The following IPMK variants were observed in gnomAD, a reference collection of about 807,000 sequenced individuals.
IPMK encodes inositol polyphosphate multikinase.
Under a neutral mutation model 45.8 loss-of-function variants are expected in IPMK, and 17 were observed. That is an observed-to-expected ratio of 0.37 (90% CI 0.25 to 0.56). The LOEUF is 0.56. IPMK is among the 20% of genes least tolerant of loss of function. The pLI is 0.79. For missense variants in IPMK, 399 were observed against 498.0 expected, an observed-to-expected ratio of 0.80 and a Z score of 1.89; for synonymous variants, 180 against 184.3, an observed-to-expected ratio of 0.98 and a Z score of 0.19.
At chr10:58,206,992 T>C (rs1838079833) in intron 4 of IPMK, among the ~76,000 whole-genome samples, 1 of 151,900 alleles carries the variant, frequency 6.6e-6, no homozygotes, top group African/African-American at 2.4e-5. Flanking sequence ...TGTATATATA[T>C]ATATATCACA....
At position 58,214,502 on chromosome 10, in the gene IPMK, T is replaced by A. The variant is rs531647938; in HGVS notation, c.546+1643A>T. Among the ~76,000 whole-genome samples, 671 of 152,360 alleles carry A rather than the reference T, an allele frequency of 4.4e-3. 4 individuals are homozygous for A. Among genetic ancestry groups the A allele is most frequent in the Non-Finnish European group, 7.2e-3 (490 of 68,032 alleles). On this transcript the variant is annotated intron_variant, in intron 4 of 5. Coordinates refer to ENST00000373935, the MANE Select transcript of IPMK (RefSeq NM_152230.5). ...TTATTTCCTGTTTGTTTTAACTGTA[T>A]TCCATTACCATTTTTTCTTTTTCTA...
At chr10:58,214,232 C>A (rs564603120) in intron 4 of IPMK, among the ~76,000 whole-genome samples, 17 of 152,074 alleles carry the variant, frequency 1.1e-4, no homozygotes, top group Non-Finnish European at 2.4e-4. Context: ...GAGGAACTGT[C>A]CTTAGATAGG....
chr10:58,246,897 C>A (rs1242625679), intron 1 of IPMK, among the ~76,000 whole-genome samples: 4 of 151,024 alleles, frequency 2.6e-5, no homozygotes, highest in Non-Finnish European at 5.9e-5. Context: ...ATTTTCGCAA[C>A]CTACTCATCT....
chr10:58,256,800 G>C (rs1457576996), intron 1 of IPMK, among the ~76,000 whole-genome samples: 1 of 152,192 alleles, frequency 6.6e-6, no homozygotes, highest in African/African-American at 2.4e-5. Context: ...AAGAACCTAT[G>C]TTGAAATATT....
chr10:58,231,606 C>G (rs1838521916), intron 2 of IPMK, among the ~76,000 whole-genome samples: 1 of 152,130 alleles, frequency 6.6e-6, no homozygotes, highest in Non-Finnish European at 1.5e-5. Context: ...GAAATAAAAT[C>G]CTTTACAGAC....
At chr10:58,241,806 A>G (rs1838699676) in intron 1 of IPMK, among the ~76,000 whole-genome samples, 1 of 151,862 alleles carries the variant, frequency 6.6e-6, no homozygotes, top group African/African-American at 2.4e-5. Flanking sequence ...TTACCTCCAT[A>G]AAGGTGCAAT....
rs753050298 is a variant in IPMK, at chr10:58,211,901, C to CAAAAAAAAAA, written c.546+4234_546+4243dup. 3.6e-4 allele frequency among the ~76,000 whole-genome samples: 18 copies of CAAAAAAAAAA among 50,370 alleles called. 2 individuals are homozygous for CAAAAAAAAAA. Among genetic ancestry groups the CAAAAAAAAAA allele is most frequent in the African/African-American group, 1.4e-3 (15 of 11,036 alleles). The allele number at this position is 50,370 out of a possible 152,430, so 33.0% of individuals were successfully genotyped here. On this transcript the variant is annotated intron_variant, in intron 4 of 5. Transcript: ENST00000373935. Reference sequence around the variant, plus strand: ...CACTCCAGCCTGGGTGACATCTCACCAAAAAAAAAAAAAAAAAAAAAAAAT... The same window carrying CAAAAAAAAAA: ...CACTCCAGCCTGGGTGACATCTCACCAAAAAAAAAAAAAAAAAAAAAAAAAAAAAAAAAAT...
At chr10:58,201,084 G>A (rs769202928) in intron 4 of IPMK, among the ~76,000 whole-genome samples, 39 of 152,264 alleles carry the variant, frequency 2.6e-4, no homozygotes, top group Non-Finnish European at 4.7e-4. Context: ...GAAACAAAGT[G>A]TTTAAGGTAG....
At position 58,195,384 on chromosome 10, in the gene IPMK, G is replaced by A. The variant is rs1837876342; in HGVS notation, c.*692C>T. ...TAATATCTCTCTTCCCCTAACCCCA[G>A]TAAGGACAATTAGTGTGCCCTTAAT... On this transcript the variant is annotated 3_prime_UTR_variant, in exon 6 of 6. Coordinates refer to ENST00000373935, the MANE Select transcript of IPMK (RefSeq NM_152230.5). The A allele has an allele frequency of 6.6e-6, 1 of 152,032 alleles. No homozygotes were observed. Among genetic ancestry groups the A allele is most frequent in the Non-Finnish European group, 1.5e-5 (1 of 67,952 alleles). 9.4% of individuals were successfully genotyped at this position (152,032 alleles called of 1,614,324 possible).
At chr10:58,230,487 G>T (rs1838497505) in intron 2 of IPMK, among the ~76,000 whole-genome samples, 2 of 152,162 alleles carry the variant, frequency 1.3e-5, no homozygotes, top group African/African-American at 4.8e-5. Flanking sequence ...TTGCTGTTCT[G>T]CAACATTTGC....
At chr10:58,264,579 T>C (rs1306051135) in intron 1 of IPMK, among the ~76,000 whole-genome samples, 2 of 152,188 alleles carry the variant, frequency 1.3e-5, no homozygotes, top group East Asian at 3.8e-4. Flanking sequence ...GAATTTATAT[T>C]GATCTTTTTT....
At chr10:58,243,603 C>T (rs1040839267) in intron 1 of IPMK, among the ~76,000 whole-genome samples, 4 of 152,210 alleles carry the variant, frequency 2.6e-5, no homozygotes, top group Admixed American at 6.5e-5. Context: ...CTCCTGGCCT[C>T]GGGTGATTAG....
At chr10:58,212,692 G>A (rs2153281) in intron 4 of IPMK, 2 of 244,874 alleles carry the variant, frequency 8.2e-6, no homozygotes, top group South Asian at 6.1e-5. Context: ...AGCCTCTGTC[G>A]CAAAAGGTTT....
chr10:58,240,608 T>C (rs1838682626), intron 1 of IPMK, among the ~76,000 whole-genome samples: 1 of 150,574 alleles, frequency 6.6e-6, no homozygotes, highest in African/African-American at 2.5e-5. Flanking sequence ...CATCAAAGTG[T>C]TGAGATAATA....
chr10:58,204,751 C>T (rs954373539), intron 4 of IPMK, among the ~76,000 whole-genome samples: 7 of 152,066 alleles, frequency 4.6e-5, no homozygotes, highest in Non-Finnish European at 1.0e-4. Context: ...GACACGATCA[C>T]GCTACTGCAC....
chr10:58,212,034 T>A (rs908119473), intron 4 of IPMK, among the ~76,000 whole-genome samples: 6 of 152,100 alleles, frequency 3.9e-5, no homozygotes, highest in African/African-American at 1.4e-4. Flanking sequence ...CTCTTAGTAA[T>A]CTCTTCCAGA....
At chr10:58,259,671 T>TAA (rs560813021) in intron 1 of IPMK, among the ~76,000 whole-genome samples, 8,299 of 86,684 alleles carry the variant, frequency 0.096, 597 homozygotes, top group Non-Finnish European at 0.11. Context: ...CATCTCTACA[T>TAA]AAAAAAAAAA....
rs2132138556 is a variant in IPMK, at chr10:58,193,714, CA to C, written c.*2361del. On this transcript the variant is annotated 3_prime_UTR_variant, in exon 6 of 6. Transcript: ENST00000373935. ...AAAAACTATGAGAATCCTATTAACCCAAACTATATCCGCATTATGCTTATTT... is the reference window on the plus strand; with the variant it reads ...AAAAACTATGAGAATCCTATTAACCCAACTATATCCGCATTATGCTTATTT... 6.6e-6 allele frequency: 1 copy of C among 151,758 alleles called. No homozygotes were observed. The highest frequency in any genetic ancestry group is 2.4e-5 in the African/African-American group (1 of 41,488). 9.4% of individuals were successfully genotyped at this position (151,758 alleles called of 1,614,324 possible).
intron 3 of IPMK, among the ~76,000 whole-genome samples, chr10:58,222,366 T>A (rs945485575): frequency 6.6e-6 from 1 of 152,244 alleles, no homozygotes; most frequent in Non-Finnish European, 1.5e-5. Flanking sequence ...TAATTTTACA[T>A]ATCTATATAC....
Sources: gnomAD v4.1 joint callset for allele counts (sites outside exome capture counted in the v4.1 genomes callset) on GRCh38, gnomAD v4.1.1 for gene constraint, MANE v1.5 for transcripts, NCBI Gene and HGNC (gene_info 2026-07-23, HGNC 2026-07-21) for gene names.